EYS: variants seen among roughly 807,000 people sequenced by gnomAD.
EYS encodes EGF-like photoreceptor maintenance factor.
Under a neutral mutation model 282.1 loss-of-function variants are expected in EYS, and 250 were observed. That is an observed-to-expected ratio of 0.89 (90% confidence interval 0.80 to 0.98). The LOEUF (loss-of-function observed/expected upper bound fraction) is 0.98. EYS is among the 50% of genes least tolerant of loss of function. The pLI is 0.00. For missense variants in EYS, 4,016 were observed against 3,709.0 expected, an observed-to-expected ratio of 1.08 and a Z score of -2.15; for synonymous variants, 1,355 against 1,282.9, an observed-to-expected ratio of 1.06 and a Z score of -1.20.
At chr6:64,821,126 T>TA (rs892427734) in intron 21 of EYS, among the ~76,000 whole-genome samples, 2 of 151,960 alleles carry the variant, frequency 1.3e-5, no homozygotes, top group Non-Finnish European at 2.9e-5. Flanking sequence ...CTATATAAAA[T>TA]ACCATATGTC....
At chr6:64,273,208 G>T (rs1271397469) in intron 30 of EYS, among the ~76,000 whole-genome samples, 1 of 152,066 alleles carries the variant, frequency 6.6e-6, no homozygotes, top group Non-Finnish European at 1.5e-5. Context: ...CTCCTAGTTT[G>T]CTAAATCTTT....
intron 33 of EYS, among the ~76,000 whole-genome samples, chr6:64,041,330 A>G (rs1770380497): frequency 6.6e-6 from 1 of 152,178 alleles, no homozygotes; most frequent in African/African-American, 2.4e-5. Context: ...TTTCAGGAAA[A>G]TAAGAATCAT....
At chr6:64,971,420 T>C (rs753332547) in intron 14 of EYS, among the ~76,000 whole-genome samples, 1 of 152,096 alleles carries the variant, frequency 6.6e-6, no homozygotes, top group Non-Finnish European at 1.5e-5. Context: ...TTTATTATGA[T>C]CAGGGCTGCT....
intron 12 of EYS, among the ~76,000 whole-genome samples, chr6:65,287,114 C>T (rs928722334): frequency 1.3e-4 from 19 of 151,318 alleles, no homozygotes; most frequent in African/African-American, 4.6e-4. Flanking sequence ...AATAGAATGT[C>T]TATACACCAA....
intron 31 of EYS, among the ~76,000 whole-genome samples, chr6:64,223,804 G>T (rs1766174654): frequency 6.6e-6 from 1 of 151,962 alleles, no homozygotes; most frequent in African/African-American, 2.4e-5. Context: ...TGAAGTCATG[G>T]CTGTTAAGAA....
chr6:65,083,705 G>A lies in EYS; in HGVS notation c.2024-25978C>T, dbSNP rs1004135541. Among the ~76,000 whole-genome samples, 103 of 151,878 alleles carry A rather than the reference G, an allele frequency of 6.8e-4. 1 individual carries two copies. Among genetic ancestry groups the A allele is most frequent in the African/African-American group, 2.4e-3 (99 of 41,528 alleles). The stretch of plus-strand genomic sequence containing the variant: ...TCTGAACACTGAAATTCATCAATGA[G>A]AGTAAACATTGAACCAAAAAAATAT... On this transcript the variant is annotated intron_variant, in intron 12 of 42. Coordinates refer to ENST00000503581, the MANE Select transcript of EYS (RefSeq NM_001142800.2).
intron 31 of EYS, among the ~76,000 whole-genome samples, chr6:64,209,347 A>ACTCT (rs139253919): frequency 0.027 from 4,124 of 152,224 alleles, 58 homozygotes; most frequent in African/African-American, 0.042. Flanking sequence ...ATTTCTTGAG[A>ACTCT]CTTTCTCTCT....
intron 33 of EYS, among the ~76,000 whole-genome samples, chr6:64,064,579 C>G (rs1771298064): frequency 6.6e-6 from 1 of 152,112 alleles, no homozygotes; most frequent in Admixed American, 6.6e-5. Context: ...TTAATCTAAA[C>G]ACTTGGAAAG....
chr6:64,451,380 C>CA (rs531745772), intron 26 of EYS, among the ~76,000 whole-genome samples: 2 of 151,882 alleles, frequency 1.3e-5, no homozygotes, highest in African/African-American at 4.8e-5. Flanking sequence ...GCTTACCAAC[C>CA]AAAAAAAGTG....
At chr6:64,796,194 C>T (rs1774349832) in intron 22 of EYS, among the ~76,000 whole-genome samples, 1 of 152,172 alleles carries the variant, frequency 6.6e-6, no homozygotes, top group Admixed American at 6.5e-5. Context: ...TTTGCCCAAT[C>T]ATAGAAGATT....
intron 35 of EYS, among the ~76,000 whole-genome samples, chr6:63,924,592 A>C (rs1004819714): frequency 2.6e-5 from 4 of 152,246 alleles, no homozygotes; most frequent in Non-Finnish European, 5.9e-5. Flanking sequence ...GGTTATCATC[A>C]GTATAAGCAG....
chr6:64,520,041 GA>G (rs1777681465), intron 26 of EYS, among the ~76,000 whole-genome samples: 2 of 151,878 alleles, frequency 1.3e-5, no homozygotes, highest in South Asian at 2.1e-4. Context: ...GACCCAATAG[GA>G]AACTCTAAAA....
chr6:64,393,864 A>G (rs1015938329), intron 28 of EYS, among the ~76,000 whole-genome samples: 1 of 151,982 alleles, frequency 6.6e-6, no homozygotes, highest in Non-Finnish European at 1.5e-5. Context: ...AGACGACATG[A>G]TTGTATATCT....
chr6:65,023,923 A>G (rs1042276734), intron 13 of EYS, among the ~76,000 whole-genome samples: 3 of 152,192 alleles, frequency 2.0e-5, no homozygotes, highest in African/African-American at 7.2e-5. Flanking sequence ...AGTCCAATAA[A>G]TTAAATGATT....
intron 41 of EYS, among the ~76,000 whole-genome samples, chr6:63,732,156 C>T (rs995962218): frequency 6.6e-6 from 1 of 151,778 alleles, no homozygotes; most frequent in African/African-American, 2.4e-5. Context: ...AAACAGCTGA[C>T]CTCCTAACTC....
At chr6:64,420,280 G>A (rs532132602) in intron 28 of EYS, among the ~76,000 whole-genome samples, 1 of 152,162 alleles carries the variant, frequency 6.6e-6, no homozygotes, top group East Asian at 1.9e-4. Flanking sequence ...TCCCTAGGCT[G>A]CATACAGCCG....
rs145589447 is a variant in EYS at position 64,970,687 on chromosome 6, C to T, written c.2260-24773G>A. On this transcript the variant is annotated intron_variant, in intron 14 of 42. Coordinates refer to ENST00000503581, the MANE Select transcript of EYS (RefSeq NM_001142800.2). Reference sequence around the variant, plus strand: ...ATTTTTCTTCCTGTTTAGTACAATACGTAAACCTTGAATAACACCACTGAA... The same window carrying T: ...ATTTTTCTTCCTGTTTAGTACAATATGTAAACCTTGAATAACACCACTGAA... Among the ~76,000 whole-genome samples the T allele has an allele frequency of 3.9e-5, 6 of 152,214 alleles. No homozygotes were observed. The East Asian group carries it at 5.8e-4, about 15-fold the overall frequency.
intron 30 of EYS, among the ~76,000 whole-genome samples, chr6:64,296,573 TATATATATATACATATATATATATA>T (rs1561913689): frequency 0.015 from 115 of 7,876 alleles, 1 homozygote; most frequent in Middle Eastern, 0.056. Context: ...TATATATATA[TATATATATATACATATATATATATA>T]TTTTTTTTTT....
intron 29 of EYS, among the ~76,000 whole-genome samples, chr6:64,334,581 C>T (rs970498783): frequency 2.0e-5 from 3 of 152,102 alleles, no homozygotes; most frequent in African/African-American, 7.2e-5. Flanking sequence ...TGTTAAACCA[C>T]ATCATAAGGT....
Sources: gnomAD v4.1 joint callset for allele counts (sites outside exome capture counted in the v4.1 genomes callset) on GRCh38, gnomAD v4.1.1 for gene constraint, MANE v1.5 for transcripts, NCBI Gene and HGNC (gene_info 2026-07-23, HGNC 2026-07-21) for gene names.